Variants in CACNA2D3 observed in about 807,000 individuals in gnomAD.
The protein encoded by CACNA2D3 is voltage-dependent calcium channel subunit alpha-2/delta-3.
Under a neutral mutation model 160.6 loss-of-function variants are expected in CACNA2D3, and 60 were observed. That is an observed-to-expected ratio of 0.37 (90% CI 0.30 to 0.46). CACNA2D3 has a LOEUF of 0.46. CACNA2D3 is among the 20% of genes least tolerant of loss of function. CACNA2D3 has a pLI of 1.00. For missense variants in CACNA2D3, 1,205 were observed against 1,365.0 expected (o/e 0.88, Z 1.85); for synonymous variants, 558 against 492.9 (o/e 1.13, Z -1.75).
chr3:54,141,123 T>C (rs1257698072), intron 2 of CACNA2D3, among the ~76,000 whole-genome samples: 3 of 110,850 alleles, frequency 2.7e-5, no homozygotes, highest in Non-Finnish European at 5.4e-5. Flanking sequence ...GCCTGAGATG[T>C]GTCATATTAG....
intron 4 of CACNA2D3, among the ~76,000 whole-genome samples, chr3:54,488,257 A>C (rs957984421): frequency 3.3e-5 from 5 of 152,152 alleles, no homozygotes; most frequent in Non-Finnish European, 5.9e-5. Context: ...TAAAAGGATC[A>C]TTCTGGCTGC....
rs1285393992 is a variant in CACNA2D3, at chr3:54,261,353, T to C, written c.205-59089T>C. On this transcript the variant is annotated intron_variant, in intron 2 of 37. Transcript: ENST00000474759. ...TGGCACCCAGATTCCTTCTTGGCGC[T>C]TGTTACCATGGGGAGGAACTAAATT... is the stretch of plus-strand genomic sequence containing the variant. 2.0e-5 allele frequency among the ~76,000 whole-genome samples: 3 copies of C among 152,190 alleles called. No homozygotes were observed. The East Asian group carries it at 5.8e-4, about 29-fold the overall frequency.
intron 11 of CACNA2D3, among the ~76,000 whole-genome samples, chr3:54,648,689 T>C (rs1439072330): frequency 6.6e-6 from 1 of 152,246 alleles, no homozygotes; most frequent in Non-Finnish European, 1.5e-5. Context: ...GAGGTGTATA[T>C]GGCACGTGGA....
chr3:54,688,391 G>C (rs1166208510), intron 11 of CACNA2D3, among the ~76,000 whole-genome samples: 1 of 151,412 alleles, frequency 6.6e-6, no homozygotes, highest in Non-Finnish European at 1.5e-5. Flanking sequence ...TTTTTCCTGT[G>C]CCTTTTTTCC....
At chr3:54,479,484 C>G (rs1700897669) in intron 4 of CACNA2D3, among the ~76,000 whole-genome samples, 1 of 152,146 alleles carries the variant, frequency 6.6e-6, no homozygotes, top group Admixed American at 6.5e-5. Context: ...GTTTTGGAAA[C>G]CGTAATTATA....
rs373332504 is a variant in CACNA2D3 at position 54,444,210 on chromosome 3, C to A, written c.381+57436C>A. ...AGCCAGAGGGGACCTGTGATCCAAA[C>A]CTGGCCTGTTAGAGTCTCCCAGGAA... On this transcript the variant is annotated intron_variant, in intron 4 of 37. Coordinates refer to ENST00000474759, the MANE Select transcript of CACNA2D3 (RefSeq NM_018398.3). 3.3e-5 allele frequency among the ~76,000 whole-genome samples: 5 copies of A among 152,294 alleles called. No homozygotes were observed. The East Asian group carries it at 7.7e-4, about 24-fold the overall frequency.
intron 31 of CACNA2D3, among the ~76,000 whole-genome samples, chr3:55,000,542 G>A (rs576876728): frequency 5.9e-5 from 9 of 152,230 alleles, no homozygotes; most frequent in Admixed American, 3.3e-4. Flanking sequence ...CTTGTTCTGC[G>A]CATGTATACT....
At chr3:54,791,653 C>A (rs1011926438) in intron 13 of CACNA2D3, among the ~76,000 whole-genome samples, 1 of 151,762 alleles carries the variant, frequency 6.6e-6, no homozygotes. Flanking sequence ...AGTTTGGATT[C>A]TCTCTCTTTT....
At chr3:54,763,769 G>GTGTA (rs1553838570) in intron 12 of CACNA2D3, among the ~76,000 whole-genome samples, 1 of 49,304 alleles carries the variant, frequency 2.0e-5, no homozygotes, top group South Asian at 6.7e-4. Context: ...ACATATATAT[G>GTGTA]TATATATGTA....
At chr3:54,380,913 T>G (rs968330638) in intron 3 of CACNA2D3, among the ~76,000 whole-genome samples, 2 of 152,210 alleles carry the variant, frequency 1.3e-5, no homozygotes, top group African/African-American at 2.4e-5. Context: ...CTGGTATTAA[T>G]GACAATTCAA....
chr3:54,194,961 G>A (rs1701051999), intron 2 of CACNA2D3, among the ~76,000 whole-genome samples: 1 of 152,212 alleles, frequency 6.6e-6, no homozygotes, highest in Non-Finnish European at 1.5e-5. Flanking sequence ...AGGGCCTCCT[G>A]CCTGGCTTTT....
intron 9 of CACNA2D3, among the ~76,000 whole-genome samples, chr3:54,624,344 TGGGCCC>T (rs1408716042): frequency 6.6e-6 from 1 of 152,174 alleles, no homozygotes; most frequent in Non-Finnish European, 1.5e-5. Flanking sequence ...CTCTGTAGGC[TGGGCCC>T]GGTGGCTCAT....
intron 3 of CACNA2D3, among the ~76,000 whole-genome samples, chr3:54,351,250 G>A (rs1332679755): frequency 1.3e-5 from 2 of 151,982 alleles, no homozygotes; most frequent in Non-Finnish European, 2.9e-5. Context: ...CCAAAGTGCT[G>A]GGATTACAGG....
chr3:54,248,726 G>A (rs1559895438), intron 2 of CACNA2D3, among the ~76,000 whole-genome samples: 1 of 152,148 alleles, frequency 6.6e-6, no homozygotes, highest in Non-Finnish European at 1.5e-5. Flanking sequence ...ATATATTTAT[G>A]TTGTTTAAGA....
At chr3:54,981,488 T>C (rs895576133) in intron 29 of CACNA2D3, among the ~76,000 whole-genome samples, 2 of 150,950 alleles carry the variant, frequency 1.3e-5, no homozygotes, top group East Asian at 2.0e-4. Flanking sequence ...ATTCAACCCA[T>C]TGGGAGCGAG....
chr3:54,434,617 A>G (rs1236473638), intron 4 of CACNA2D3, among the ~76,000 whole-genome samples: 1 of 152,176 alleles, frequency 6.6e-6, no homozygotes, highest in Non-Finnish European at 1.5e-5. Context: ...CAGGCAGCTT[A>G]TTCTGGCAGT....
At chr3:54,456,157 A>G (rs1248894523) in intron 4 of CACNA2D3, among the ~76,000 whole-genome samples, 2 of 152,104 alleles carry the variant, frequency 1.3e-5, no homozygotes, top group African/African-American at 4.8e-5. Context: ...TCATTTTAAC[A>G]AAGTAATTCT....
chr3:54,454,476 C>A (rs1417707450), intron 4 of CACNA2D3, among the ~76,000 whole-genome samples: 2 of 152,020 alleles, frequency 1.3e-5, no homozygotes, highest in Non-Finnish European at 2.9e-5. Context: ...TTATAATTGA[C>A]ACATAATAAT....
At position 54,506,537 on chromosome 3, in the gene CACNA2D3, C is replaced by T. The variant is rs556574685; in HGVS notation, c.544+2883C>T. 3.9e-5 allele frequency among the ~76,000 whole-genome samples: 6 copies of T among 152,296 alleles called. No individual in the cohort carries two copies. The East Asian group carries it at 7.7e-4, about 20-fold the overall frequency. ...GGGCCTGGCAACTGGGCTGCTCAGC[C>T]GGGTTTGTGCTTTCCTCTCTGGCTG... On this transcript the variant is annotated intron_variant, in intron 5 of 37. Transcript: ENST00000474759.
Sources: gnomAD v4.1 joint callset for allele counts (sites outside exome capture counted in the v4.1 genomes callset) on GRCh38, gnomAD v4.1.1 for gene constraint, MANE v1.5 for transcripts, NCBI Gene and HGNC (gene_info 2026-07-23, HGNC 2026-07-21) for gene names.